Variants in RFX4 observed in about 807,000 individuals in gnomAD.
The protein encoded by RFX4 is transcription factor RFX4.
Under a neutral mutation model 95.0 loss-of-function variants are expected in RFX4, and 10 were observed. The ratio of observed to expected loss-of-function variants is 0.11; its 90% CI spans 0.06 to 0.18. The LOEUF is 0.18. Ranked by LOEUF, RFX4 falls within the 10% of genes least tolerant of loss-of-function variation. The pLI is 1.00. For missense variants in RFX4, 640 were observed against 922.0 expected, an observed-to-expected ratio of 0.69 and a Z score of 3.96; for synonymous variants, 321 against 340.7, an observed-to-expected ratio of 0.94 and a Z score of 0.64.
rs1398317056 is a variant in RFX4, at chr12:106,673,296, G to A, written c.316-8697G>A. Among the ~76,000 whole-genome samples the A allele has an allele frequency of 3.9e-5, 6 of 152,332 alleles. No homozygotes were observed. In the South Asian group the frequency reaches 6.2e-4, roughly 16 times the overall value. On this transcript the variant is annotated intron_variant, in intron 4 of 17. Transcript: ENST00000392842. ...CCCCTGCTCCGGCTCCTCCCTGGCAGCTGGTCACTCCTGGCTCCCCTCCAG... is the reference window on the plus strand; with the variant it reads ...CCCCTGCTCCGGCTCCTCCCTGGCAACTGGTCACTCCTGGCTCCCCTCCAG...
At chr12:106,645,742 G>A in intron 3 of RFX4, 1 of 403,884 alleles carries the variant, frequency 2.5e-6, no homozygotes, top group Non-Finnish European at 4.7e-6. Context: ...ACCGATAACT[G>A]ACATTTTGCA....
chr12:106,656,507 A>G (rs1193147199), intron 4 of RFX4, among the ~76,000 whole-genome samples: 2 of 152,138 alleles, frequency 1.3e-5, no homozygotes, highest in African/African-American at 4.8e-5. Flanking sequence ...AGAGGTTTAC[A>G]TCCCAAACAG....
chr12:106,611,160 G>T (rs1226178335), intron 2 of RFX4, among the ~76,000 whole-genome samples: 1 of 152,044 alleles, frequency 6.6e-6, no homozygotes, highest in African/African-American at 2.4e-5. Context: ...TTAAAATCAG[G>T]TTGTTTTCTG....
chr12:106,601,709 C>T (rs1049025674), intron 1 of RFX4, among the ~76,000 whole-genome samples: 2 of 152,202 alleles, frequency 1.3e-5, no homozygotes, highest in African/African-American at 4.8e-5. Flanking sequence ...GCAGGCTTCG[C>T]GGCCTGGTGG....
intron 2 of RFX4, among the ~76,000 whole-genome samples, chr12:106,632,791 C>T (rs1283961669): frequency 6.6e-6 from 1 of 152,194 alleles, no homozygotes; most frequent in Non-Finnish European, 1.5e-5. Flanking sequence ...GTAGCTGGGA[C>T]TACAAGTGCA....
chr12:106,648,071 A>G (rs2137302533), intron 3 of RFX4, among the ~76,000 whole-genome samples: 1 of 152,330 alleles, frequency 6.6e-6, no homozygotes, highest in East Asian at 1.9e-4. Context: ...CTACAGACAT[A>G]ACAGCAGCTG....
At chr12:106,634,036 A>T (rs1189230779) in intron 2 of RFX4, among the ~76,000 whole-genome samples, 1 of 151,698 alleles carries the variant, frequency 6.6e-6, no homozygotes, top group South Asian at 2.1e-4. Context: ...GTAGATATGC[A>T]TGTGCTTGTG....
At chr12:106,648,230 C>A (rs1455657399) in intron 3 of RFX4, among the ~76,000 whole-genome samples, 1 of 152,086 alleles carries the variant, frequency 6.6e-6, no homozygotes, top group African/African-American at 2.4e-5. Context: ...CGCCTTGATG[C>A]GTGGAACACG....
At chr12:106,599,990 G>A (rs928174700) in intron 1 of RFX4, among the ~76,000 whole-genome samples, 11 of 152,198 alleles carry the variant, frequency 7.2e-5, no homozygotes, top group African/African-American at 2.6e-4. Context: ...CCACAGAACT[G>A]CTTTGCTTAT....
intron 8 of RFX4, among the ~76,000 whole-genome samples, chr12:106,700,392 A>G (rs1260974256): frequency 1.4e-5 from 2 of 146,796 alleles, no homozygotes; most frequent in Admixed American, 6.7e-5. Flanking sequence ...AAGTTTGTAT[A>G]TCTTCTTTTT....
At chr12:106,674,933 G>A (rs2041362174) in intron 4 of RFX4, among the ~76,000 whole-genome samples, 1 of 152,168 alleles carries the variant, frequency 6.6e-6, no homozygotes, top group African/African-American at 2.4e-5. Context: ...AATGAGGCTG[G>A]AGATCCAGTT....
intron 5 of RFX4, chr12:106,683,285 G>C (rs1481757066): frequency 6.6e-6 from 1 of 151,974 alleles, no homozygotes; most frequent in Non-Finnish European, 1.5e-5. Context: ...CCAAGGTAGG[G>C]AAAGAAAATG....
Position 106,762,016 on chromosome 12 carries a change from G to A in RFX4, c.*547G>A, listed in dbSNP as rs905652633. The A allele has an allele frequency of 6.5e-6, 1 of 152,732 alleles. No homozygotes were observed. The highest frequency in any genetic ancestry group is 2.1e-4 in the South Asian group (1 of 4,840). The allele number at this position is 152,732 out of a possible 1,614,324, so 9.5% of individuals were successfully genotyped here. ...ACCATCCCTATTTCCTGGAGCACCA[G>A]GGCTAAATGGGGAGCTATCTGGAAA... On this transcript the variant is annotated 3_prime_UTR_variant, in exon 18 of 18. Coordinates refer to ENST00000392842, the MANE Select transcript of RFX4 (RefSeq NM_213594.3).
intron 1 of RFX4, among the ~76,000 whole-genome samples, chr12:106,591,866 G>C (rs2039552762): frequency 6.6e-6 from 1 of 152,154 alleles, no homozygotes. Flanking sequence ...TTAAAATATG[G>C]CTTCAGGGGT....
Position 106,712,406 on chromosome 12 carries a change from C to G in RFX4, c.993+895C>G, listed in dbSNP as rs997451793. Among the ~76,000 whole-genome samples, 21 of 152,302 alleles carry G rather than the reference C, an allele frequency of 1.4e-4. 1 individual carries two copies. Among genetic ancestry groups the G allele is most frequent in the Admixed American group, 1.4e-3 (21 of 15,308 alleles). On this transcript the variant is annotated intron_variant, in intron 10 of 17. Transcript: ENST00000392842. ...CCACCGTCCTCATTCCACCAACTCT[C>G]TCACACTTGGCCCACCTCACTCCTG...
At chr12:106,732,745 G>A (rs1343071769) in intron 14 of RFX4, among the ~76,000 whole-genome samples, 179 bp from the exon 15 acceptor site, 1 of 152,068 alleles carries the variant, frequency 6.6e-6, no homozygotes, top group Non-Finnish European at 1.5e-5. Context: ...ATTAAATAAA[G>A]TGGGCATATT....
intron 11 of RFX4, among the ~76,000 whole-genome samples, chr12:106,719,182 G>T (rs1379958864): frequency 1.3e-5 from 2 of 152,090 alleles, no homozygotes; most frequent in Non-Finnish European, 2.9e-5. Flanking sequence ...GACTTAAAGT[G>T]AAGACAGGTT....
intron 17 of RFX4, among the ~76,000 whole-genome samples, chr12:106,759,578 T>G (rs1469447007): frequency 2.0e-5 from 3 of 152,144 alleles, no homozygotes; most frequent in Non-Finnish European, 4.4e-5. Context: ...TGTGCAGGCC[T>G]GAGGGTCCAC....
intron 16 of RFX4, among the ~76,000 whole-genome samples, chr12:106,748,799 A>G (rs949053246): frequency 2.0e-5 from 3 of 151,962 alleles, no homozygotes; most frequent in South Asian, 2.1e-4. Context: ...AAAAATACAA[A>G]AATGGGCTGG....
Sources: gnomAD v4.1 joint callset for allele counts (sites outside exome capture counted in the v4.1 genomes callset) on GRCh38, gnomAD v4.1.1 for gene constraint, MANE v1.5 for transcripts, NCBI Gene and HGNC (gene_info 2026-07-23, HGNC 2026-07-21) for gene names.